KIAA0232: variants seen among roughly 807,000 people sequenced by gnomAD.
The protein encoded by KIAA0232 is KIAA0232.
KIAA0232 carries 27 observed loss-of-function variants against 122.0 expected under a neutral mutation model. The observed-to-expected ratio is 0.22, with a 90% CI of 0.16 to 0.31. KIAA0232 has a LOEUF of 0.31. Ranked by LOEUF, KIAA0232 falls within the 10% of genes least tolerant of loss-of-function variation. The pLI, the probability that KIAA0232 is intolerant of heterozygous loss-of-function variation, is 1.00. For missense variants in KIAA0232, 1,551 were observed against 1,634.2 expected, an observed-to-expected ratio of 0.95 and a Z score of 0.88; for synonymous variants, 613 against 587.6, an observed-to-expected ratio of 1.04 and a Z score of -0.63.
chr4:6,862,131 C>G lies in KIAA0232; in HGVS notation c.1749C>G (p.Asp583Glu). 1 of 1,614,124 alleles carries G rather than the reference C, an allele frequency of 6.2e-7. No individual in the cohort carries two copies. Among genetic ancestry groups the G allele is most frequent in the Non-Finnish European group, 8.5e-7 (1 of 1,180,018 alleles). Residue 583 changes from aspartate (D) to glutamate (E), a missense_variant, in exon 7 of 10, where the codon GAC becomes GAG. Asp to Glu is a conservative substitution (Grantham distance 45). Coordinates refer to ENST00000307659, the MANE Select transcript of KIAA0232 (RefSeq NM_014743.3). ...GTGCTGAGGGCTTATTCCTGCAGGA[C>G]CTTGGCAATCTGGCTCAGTTTTGGG... ...SVGAEGLFLQDLGNLAQFWEC... is the reference protein window; with the variant it reads ...SVGAEGLFLQELGNLAQFWEC...
intron 1 of KIAA0232, among the ~76,000 whole-genome samples, chr4:6,803,011 CAAAAAA>C (rs746215162): frequency 4.1e-5 from 2 of 48,488 alleles, no homozygotes; most frequent in South Asian, 7.5e-4. Flanking sequence ...CTGTCTTGAC[CAAAAAA>C]AAAAAAAAAA....
intron 4 of KIAA0232, among the ~76,000 whole-genome samples, chr4:6,843,583 A>G (rs1162041323): frequency 1.3e-5 from 2 of 152,176 alleles, no homozygotes. Flanking sequence ...AGCCTGGTCC[A>G]ACATAGTGAA....
chr4:6,879,791 A>T (rs141340130), intron 9 of KIAA0232, among the ~76,000 whole-genome samples: 2 of 139,632 alleles, frequency 1.4e-5, no homozygotes, highest in African/African-American at 5.3e-5. Flanking sequence ...CTCTTCTCCA[A>T]AGAACTCCCT....
At position 6,790,453 on chromosome 4, in the gene KIAA0232, G is replaced by A. The variant is rs1220102243; in HGVS notation, c.-354+7612G>A. Among the ~76,000 whole-genome samples the A allele has an allele frequency of 2.1e-5, 3 of 142,918 alleles. No homozygotes were observed. The East Asian group carries it at 6.1e-4, about 29-fold the overall frequency. The allele number at this position is 142,918 out of a possible 152,430, so 93.8% of individuals were successfully genotyped here. Reference sequence around the variant, plus strand: ...TCTGTCACCGAGGCTGGAGTGCGGTGGCACGATCACAGCTCACTACAGCCA... The same window carrying A: ...TCTGTCACCGAGGCTGGAGTGCGGTAGCACGATCACAGCTCACTACAGCCA... On this transcript the variant is annotated intron_variant, in intron 1 of 9. Transcript: ENST00000307659.
chr4:6,858,602 A>G, intron 6 of KIAA0232, 96 bp downstream of exon 6: 1 of 735,986 alleles, frequency 1.4e-6, no homozygotes, highest in Non-Finnish European at 2.2e-6. Context: ...CATCTTGTTT[A>G]GTTTCATTAT....
chr4:6,837,061 A>G (rs750478541), intron 3 of KIAA0232, among the ~76,000 whole-genome samples: 62 of 152,232 alleles, frequency 4.1e-4, no homozygotes, highest in Non-Finnish European at 5.7e-4. Flanking sequence ...GCTGTTGGGT[A>G]CACCTCCCAG....
At chr4:6,841,632 A>G (rs560598245) in intron 3 of KIAA0232, among the ~76,000 whole-genome samples, 156 of 152,348 alleles carry the variant, frequency 1.0e-3, no homozygotes, top group African/African-American at 3.8e-3. Flanking sequence ...GTAAGACTCT[A>G]GTCACATATG....
chr4:6,842,336 A>G (rs1719707471), intron 4 of KIAA0232, 132 bp downstream of exon 4: 4 of 853,858 alleles, frequency 4.7e-6, no homozygotes, highest in South Asian at 3.4e-5. Context: ...TAACATGAAC[A>G]TTACCACTTT....
chr4:6,807,662 G>A (rs981433650), intron 2 of KIAA0232, among the ~76,000 whole-genome samples: 1 of 152,144 alleles, frequency 6.6e-6, no homozygotes, highest in African/African-American at 2.4e-5. Flanking sequence ...ATTCCAGTTT[G>A]GGTTGTAGAT....
intron 3 of KIAA0232, among the ~76,000 whole-genome samples, chr4:6,835,052 G>A (rs1049932688): frequency 6.6e-6 from 1 of 152,172 alleles, no homozygotes; most frequent in Admixed American, 6.5e-5. Flanking sequence ...TTGGTACTCA[G>A]CTGACAGACA....
intron 2 of KIAA0232, among the ~76,000 whole-genome samples, chr4:6,823,961 C>T (rs1374581888): frequency 3.9e-5 from 6 of 152,056 alleles, no homozygotes; most frequent in Non-Finnish European, 7.4e-5. Flanking sequence ...GCAGTCTTCC[C>T]GCTTCAGCCT....
In KIAA0232 at chr4:6,862,759, G is replaced by A; in HGVS notation, c.2377G>A (p.Gly793Ser). ...AACATCTAAACTAGAATCCGTCTGTGGTATTCAGCTAGAACAAAAAACAGA... is the reference window on the plus strand; with the variant it reads ...AACATCTAAACTAGAATCCGTCTGTAGTATTCAGCTAGAACAAAAAACAGA... ...KKTSKLESVCGIQLEQKTENK... is the reference protein window; with the variant it reads ...KKTSKLESVCSIQLEQKTENK... The change falls in exon 7 of 10, where the codon GGT (glycine) becomes AGT (serine). Residue 793 changes from glycine to serine, a missense_variant. By Grantham distance (56) the Gly-to-Ser change is moderately conservative. Around this residue, in one of 5 missense-constraint regions of KIAA0232, gnomAD observed 1,108 missense variants for 1,154.8 expected, o/e 0.96. Coordinates refer to ENST00000307659, the MANE Select transcript of KIAA0232 (RefSeq NM_014743.3). 1.2e-6 allele frequency: 2 copies of A among 1,613,810 alleles called. No individual in the cohort carries two copies. Among genetic ancestry groups the A allele is most frequent in the Non-Finnish European group, 1.7e-6 (2 of 1,179,948 alleles).
Position 6,784,386 on chromosome 4 carries a change from A to G in KIAA0232, c.-354+1545A>G, listed in dbSNP as rs1716512987. On this transcript the variant is annotated intron_variant, in intron 1 of 9. Coordinates refer to ENST00000307659, the MANE Select transcript of KIAA0232 (RefSeq NM_014743.3). Reference sequence around the variant, plus strand: ...TCCTATGCAAAATAAGACCCGTTCCAGAACACTTTGACCATTTCGTGGACT... The same window carrying G: ...TCCTATGCAAAATAAGACCCGTTCCGGAACACTTTGACCATTTCGTGGACT... 2.0e-5 allele frequency among the ~76,000 whole-genome samples: 3 copies of G among 151,362 alleles called. No homozygotes were observed. The East Asian group carries it at 5.9e-4, about 30-fold the overall frequency.
chr4:6,786,547 A>G lies in KIAA0232; in HGVS notation c.-354+3706A>G, dbSNP rs546674764. On this transcript the variant is annotated intron_variant, in intron 1 of 9. Coordinates refer to ENST00000307659, the MANE Select transcript of KIAA0232 (RefSeq NM_014743.3). ...GATCTCGAACTCCTGGGCTCAAGCA[A>G]TCCTCCCACCTCAACCTCCCAAAGT... Among the ~76,000 whole-genome samples the G allele has an allele frequency of 1.2e-4, 18 of 152,280 alleles. No homozygotes were observed. The East Asian group carries it at 2.7e-3, about 23-fold the overall frequency.
chr4:6,838,664 G>GT (rs1719480127), intron 3 of KIAA0232, among the ~76,000 whole-genome samples: 1 of 148,992 alleles, frequency 6.7e-6, no homozygotes, highest in Non-Finnish European at 1.5e-5. Flanking sequence ...TATGCCAACT[G>GT]TTGACAGTAG....
chr4:6,831,553 GT>G (rs1254305924), intron 3 of KIAA0232, among the ~76,000 whole-genome samples: 1 of 152,074 alleles, frequency 6.6e-6, no homozygotes, highest in Non-Finnish European at 1.5e-5. Context: ...AGAATAAGAG[GT>G]TTTTTTCCCT....
Position 6,838,501 on chromosome 4 carries a change from T to C in KIAA0232, c.232-3566T>C, listed in dbSNP as rs111905128. The stretch of plus-strand genomic sequence containing the variant: ...ACCATATGCCCCACCTAAAGATAGC[T>C]TTTGACAGATGAGGCTTCTGAGGTT... On this transcript the variant is annotated intron_variant, in intron 3 of 9. Coordinates refer to ENST00000307659, the MANE Select transcript of KIAA0232 (RefSeq NM_014743.3). Among the ~76,000 whole-genome samples the C allele has an allele frequency of 4.8e-3, 735 of 152,286 alleles. 6 individuals are homozygous for C. The highest frequency in any genetic ancestry group is 0.015 in the African/African-American group (640 of 41,554).
At chr4:6,864,737 C>CAAAAAAAAAA in intron 7 of KIAA0232, among the ~76,000 whole-genome samples, 1 of 70,310 alleles carries the variant, frequency 1.4e-5, no homozygotes, top group Non-Finnish European at 2.6e-5. Flanking sequence ...GACTCCATCT[C>CAAAAAAAAAA]AAAAAAAAAA....
rs552758250 is a variant in KIAA0232, at chr4:6,873,619, TAGTTAGTA to T, written c.3910+1939_3910+1946del. On this transcript the variant is annotated intron_variant, in intron 8 of 9. Transcript: ENST00000307659. ...CACCCTTAGTCCAGTTTTCTGTCAT[TAGTTAGTA>T]AAGAATCCAGTTTCACCTCTTAGCT... 2.6e-4 allele frequency among the ~76,000 whole-genome samples: 39 copies of T among 148,080 alleles called. 1 individual carries two copies. The South Asian group carries it at 6.2e-3, about 24-fold the overall frequency.
Sources: allele counts gnomAD v4.1 joint callset (sites outside exome capture counted in the v4.1 genomes callset), GRCh38; gene constraint gnomAD v4.1.1; regional missense constraint gnomAD v4.1.1; transcripts MANE v1.5; gene names NCBI Gene and HGNC (gene_info 2026-07-23, HGNC 2026-07-21).